OLFML2A: variants seen among roughly 807,000 people sequenced by gnomAD.
OLFML2A encodes the protein olfactomedin-like protein 2A.
A neutral mutation model predicts 60.9 loss-of-function variants in OLFML2A; 47 were observed. That is an observed-to-expected ratio of 0.77 (90% CI 0.61 to 0.98). OLFML2A has a LOEUF of 0.98. OLFML2A is among the 50% of genes least tolerant of loss of function. The pLI, the probability that OLFML2A is intolerant of heterozygous loss-of-function variation, is 0.00. For missense variants in OLFML2A, 922 were observed against 879.8 expected, an observed-to-expected ratio of 1.05 and a Z score of -0.61; for synonymous variants, 372 against 375.0, an observed-to-expected ratio of 0.99 and a Z score of 0.09.
Position 124,777,275 on chromosome 9 carries a change from C to A in OLFML2A, c.5C>A (p.Ala2Asp). Residue 2 changes from alanine to aspartate, a missense_variant, in exon 1 of 8, where the codon GCC becomes GAC. Physicochemically the swap from Ala to Asp is moderately radical, Grantham distance 126 (BLOSUM62 -2). Transcript: ENST00000373580. This position sits in a 1 kb window ranked among gnomAD's most constrained non-coding sequence, Gnocchi z 6.2. Reference sequence around the variant, plus strand: ...GCCTACCGTGCCCGTGGCGCCATGGCCGCTGCCGCCCTCCCGCCCCGGCCG... The same window carrying A: ...GCCTACCGTGCCCGTGGCGCCATGGACGCTGCCGCCCTCCCGCCCCGGCCG... MAAAALPPRPLL... is the reference protein window; with the variant it reads MDAAALPPRPLL... 8.3e-7 allele frequency: 1 copy of A among 1,201,320 alleles called. No individual in the cohort carries two copies. The highest frequency in any genetic ancestry group is 1.6e-5 in the African/African-American group (1 of 63,332). 74.4% of individuals were successfully genotyped at this position (1,201,320 alleles called of 1,614,324 possible). A position where few individuals can be genotyped will look rare whatever the true frequency, so the allele number is the denominator to read the frequency against.
intron 2 of OLFML2A, among the ~76,000 whole-genome samples, chr9:124,791,737 C>CAAAA (rs10553820): frequency 4.8e-3 from 352 of 73,742 alleles, no homozygotes; most frequent in Non-Finnish European, 6.1e-3. Context: ...GACTCTGTCT[C>CAAAA]AAAAAAAAAA....
At chr9:124,801,033 C>A (rs1457120326) in intron 4 of OLFML2A, 1 of 1,551,516 alleles carries the variant, frequency 6.4e-7, no homozygotes, top group Non-Finnish European at 8.7e-7. Context: ...CTCCCCTGCC[C>A]ACGTACTAAG....
In OLFML2A at chr9:124,787,170, T is replaced by C; in HGVS notation, c.286T>C (p.Ser96Pro). ...CRCSCTAPPSSLNPCENEWKM... is the reference protein window; with the variant it reads ...CRCSCTAPPSPLNPCENEWKM... ...CTGCTCCTGTACCGCACCTCCCTCC[T>C]CTCTCAACCCCTGTGAGAACGAGTG... Residue 96 changes from serine to proline, a missense_variant, in exon 2 of 8, where the codon TCT (serine) becomes CCT (proline). By Grantham distance (74) the Ser-to-Pro change is moderately conservative (BLOSUM62 -1). Coordinates refer to ENST00000373580, the MANE Select transcript of OLFML2A (RefSeq NM_182487.4). 6.2e-7 allele frequency: 1 copy of C among 1,614,088 alleles called. No individual in the cohort carries two copies. The highest frequency in any genetic ancestry group is 8.5e-7 in the Non-Finnish European group (1 of 1,180,012).
chr9:124,806,005 A>G (rs936215550), intron 6 of OLFML2A, among the ~76,000 whole-genome samples: 1 of 151,558 alleles, frequency 6.6e-6, no homozygotes, highest in Non-Finnish European at 1.5e-5. Flanking sequence ...TAGTAGAGAC[A>G]GTGTTTCGCC....
chr9:124,810,613 A>C lies in OLFML2A; in HGVS notation c.*201A>C. The C allele has an allele frequency of 6.7e-6, 4 of 597,394 alleles. 1 individual carries two copies. The South Asian group carries it at 8.1e-5, about 12-fold the overall frequency. The allele number at this position is 597,394 out of a possible 1,614,324, so 37.0% of individuals were successfully genotyped here. On this transcript the variant is annotated 3_prime_UTR_variant, in exon 8 of 8. Coordinates refer to ENST00000373580, the MANE Select transcript of OLFML2A (RefSeq NM_182487.4). ...CCACTTGCAGAGCACCGTGCCAAGC[A>C]CTTCCCACACACTTACCCGTTTGAT...
intron 4 of OLFML2A, among the ~76,000 whole-genome samples, chr9:124,800,471 G>A (rs2131268795): frequency 6.6e-6 from 1 of 152,386 alleles, no homozygotes; most frequent in South Asian, 2.1e-4. Flanking sequence ...GTCACATGGA[G>A]AGGCGGTGGC....
intron 2 of OLFML2A, among the ~76,000 whole-genome samples, chr9:124,793,070 C>T (rs2131258423): frequency 6.6e-6 from 1 of 152,338 alleles, no homozygotes; most frequent in Admixed American, 6.5e-5. Flanking sequence ...TTTGAGACCC[C>T]CTGGGAAGGT....
intron 1 of OLFML2A, among the ~76,000 whole-genome samples, chr9:124,778,502 C>T (rs933537726): frequency 1.3e-5 from 2 of 151,962 alleles, no homozygotes; most frequent in African/African-American, 4.8e-5. Context: ...TCGCTTGAGG[C>T]CAGGAGTTCA....
At chr9:124,785,262 C>T (rs960633452) in intron 1 of OLFML2A, among the ~76,000 whole-genome samples, 5 of 151,532 alleles carry the variant, frequency 3.3e-5, no homozygotes, top group Non-Finnish European at 5.9e-5. Flanking sequence ...CCCTACATTC[C>T]TTTTTATGGC....
At chr9:124,805,978 G>C (rs1251664742) in intron 6 of OLFML2A, among the ~76,000 whole-genome samples, 1 of 151,530 alleles carries the variant, frequency 6.6e-6, no homozygotes, top group Non-Finnish European at 1.5e-5. Flanking sequence ...ACCACGCCTG[G>C]CTAATTTTTC....
rs1042814049 is a variant in OLFML2A at position 124,801,805 on chromosome 9, A to G, written c.919+142A>G. The stretch of plus-strand genomic sequence containing the variant: ...TTGGGTGCCCTCTGCTCATTCACAT[A>G]TGAGGATAACACCCCACTCAGGGGG... On this transcript the variant is annotated intron_variant, in intron 5 of 7. Coordinates refer to ENST00000373580, the MANE Select transcript of OLFML2A (RefSeq NM_182487.4). 14 of 953,310 alleles carry G rather than the reference A, an allele frequency of 1.5e-5. No homozygotes were observed. In the African/African-American group the frequency reaches 2.1e-4, roughly 15 times the overall value. 59.1% of individuals were successfully genotyped at this position (953,310 alleles called of 1,614,324 possible). A position where few individuals can be genotyped will look rare whatever the true frequency, so the allele number is the denominator to read the frequency against.
intron 2 of OLFML2A, among the ~76,000 whole-genome samples, chr9:124,794,739 A>T (rs1260451843): frequency 6.6e-6 from 1 of 152,130 alleles, no homozygotes; most frequent in Non-Finnish European, 1.5e-5. Flanking sequence ...CTCCTGCCTC[A>T]GCCTCCCAAG....
chr9:124,801,152 A>T (rs151217528), intron 4 of OLFML2A: 11 of 1,223,464 alleles, frequency 9.0e-6, no homozygotes, highest in Non-Finnish European at 1.3e-5. Context: ...ACAGGAGTTG[A>T]GAAGTGGGAC....
intron 3 of OLFML2A, among the ~76,000 whole-genome samples, chr9:124,798,208 A>G (rs921203059): frequency 6.6e-6 from 1 of 152,244 alleles, no homozygotes; most frequent in Non-Finnish European, 1.5e-5. Flanking sequence ...AACTTAAGTA[A>G]CCATCCATAA....
At position 124,787,092 on chromosome 9, in the gene OLFML2A, C is replaced by A. The variant is rs371169223; in HGVS notation, c.208C>A (p.Arg70Ser). The change falls in exon 2 of 8, where the codon CGC becomes AGC. Residue 70 changes from arginine to serine, a missense_variant. Transcript: ENST00000373580. ...ACSRVRSGRA[R>S]VEDFYTVETV... ...TAGCCGAGTGCGCAGTGGGCGGGCA[C>A]GCGTGGAGGACTTCTACACGGTGGA... 1.2e-6 allele frequency: 2 copies of A among 1,614,154 alleles called. No individual in the cohort carries two copies. Among genetic ancestry groups the A allele is most frequent in the East Asian group, 2.2e-5 (1 of 44,888 alleles).
intron 7 of OLFML2A, among the ~76,000 whole-genome samples, chr9:124,808,881 C>T (rs1016290371): frequency 4.6e-5 from 7 of 151,778 alleles, no homozygotes; most frequent in African/African-American, 1.2e-4. Context: ...ACAGGCCGGG[C>T]GTGGTGGCTC....
At chr9:124,808,055 G>A in intron 7 of OLFML2A, 89 bp downstream of exon 7, 1 of 986,148 alleles carries the variant, frequency 1.0e-6, no homozygotes. Flanking sequence ...TTGCCTTGTG[G>A]GTTTCTATGG....
chr9:124,785,390 C>CTTTTTTTTTTTTTTTTTTTTTTTT (rs1171618111), intron 1 of OLFML2A, among the ~76,000 whole-genome samples: 1 of 62,256 alleles, frequency 1.6e-5, no homozygotes, highest in East Asian at 5.5e-4. Flanking sequence ...CATTTTCTTT[C>CTTTTTTTTTTTTTTTTTTTTTTTT]TTTTTTTTTT....
At chr9:124,794,885 G>A (rs998560952) in intron 2 of OLFML2A, 139 bp from the exon 3 acceptor site, 1 of 538,656 alleles carries the variant, frequency 1.9e-6, no homozygotes, top group African/African-American at 1.9e-5. Context: ...GCCTCCCAAA[G>A]TGCTGGGATT....
Sources: allele counts gnomAD v4.1 joint callset (sites outside exome capture counted in the v4.1 genomes callset), GRCh38; gene constraint gnomAD v4.1.1; non-coding constraint Gnocchi (gnomAD v3.1); transcripts MANE v1.5; gene names NCBI Gene and HGNC (gene_info 2026-07-23, HGNC 2026-07-21).